Variants in DNAH8 observed in about 807,000 individuals in gnomAD.
The protein encoded by DNAH8 is dynein axonemal heavy chain 8.
In DNAH8, 382 loss-of-function variants were observed where a neutral mutation model predicts 562.1. The observed-to-expected ratio is 0.68, with a 90% CI of 0.63 to 0.74. The LOEUF is 0.74. Among genes scored for constraint, DNAH8 ranks in the 30% least tolerant of loss-of-function variants. The pLI, the probability that DNAH8 is intolerant of heterozygous loss-of-function variation, is 0.00. For missense variants in DNAH8, 5,203 were observed against 5,620.4 expected, an observed-to-expected ratio of 0.93 and a Z score of 2.37; for synonymous variants, 1,881 against 1,919.4, an observed-to-expected ratio of 0.98 and a Z score of 0.52.
At chr6:38,741,673 G>A in intron 7 of DNAH8, 38 bp from the exon 8 acceptor site, 2 of 1,516,166 alleles carry the variant, frequency 1.3e-6, no homozygotes, top group Non-Finnish European at 1.8e-6. Context: ...AAAGAAGAAT[G>A]TAACATTTCT....
At chr6:38,898,440 A>G (rs1001216941) in intron 61 of DNAH8, 60 bp downstream of exon 61, 8 of 1,410,492 alleles carry the variant, frequency 5.7e-6, no homozygotes, top group African/African-American at 4.5e-5. Flanking sequence ...CGTATATTTC[A>G]TAGATAAATT....
At chr6:38,780,503 A>T (rs550632295) in intron 15 of DNAH8, among the ~76,000 whole-genome samples, 1 of 151,654 alleles carries the variant, frequency 6.6e-6, no homozygotes, top group East Asian at 1.9e-4. Flanking sequence ...AATGTTATGC[A>T]TCCAAAAAAA....
At chr6:38,826,072 G>T (rs1773292516) in intron 28 of DNAH8, 84 bp from the exon 29 acceptor site, 1 of 872,544 alleles carries the variant, frequency 1.1e-6, no homozygotes. Flanking sequence ...AGTGACTACT[G>T]AATTGGACAG....
chr6:38,971,660 CAGCAGGT>C lies in DNAH8; in HGVS notation c.12522_12525+3del, dbSNP rs748164550. The C allele has an allele frequency of 1.3e-6, 2 of 1,598,500 alleles. No individual in the cohort carries two copies. Among genetic ancestry groups the C allele is most frequent in the Non-Finnish European group, 1.7e-6 (2 of 1,172,812 alleles). ...TCGAAAGCTGATTCAGATGTCAATG[CAGCAGGT>C]ATGTGACAAGAGACTGCTCCTGCTG... On this transcript the variant is annotated splice_donor_variant and coding_sequence_variant, in exon 83 of 93. Coordinates refer to ENST00000327475, the MANE Select transcript of DNAH8 (RefSeq NM_001206927.2). LOFTEE classifies it high-confidence loss of function.
chr6:38,797,171 A>T (rs1042285911), intron 21 of DNAH8, among the ~76,000 whole-genome samples: 5 of 152,164 alleles, frequency 3.3e-5, no homozygotes, highest in African/African-American at 1.2e-4. Flanking sequence ...AGGCAGGTGG[A>T]TCACTTGAGC....
intron 82 of DNAH8, among the ~76,000 whole-genome samples, chr6:38,957,171 A>C (rs1762301330): frequency 6.6e-6 from 1 of 152,064 alleles, no homozygotes; most frequent in Non-Finnish European, 1.5e-5. Context: ...TATAAACCAA[A>C]TACTGTAAAA....
chr6:39,010,122 T>C (rs947008040), intron 89 of DNAH8, among the ~76,000 whole-genome samples: 1 of 136,248 alleles, frequency 7.3e-6, no homozygotes. Flanking sequence ...CAACAAGACC[T>C]TTGTTCTGGT....
intron 56 of DNAH8, among the ~76,000 whole-genome samples, chr6:38,884,615 A>G (rs961510610): frequency 2.0e-5 from 3 of 152,040 alleles, no homozygotes; most frequent in Non-Finnish European, 4.4e-5. Context: ...TTCTACAGCA[A>G]ATGCCTCCTC....
At chr6:38,945,659 G>A in intron 80 of DNAH8, 71 bp downstream of exon 80, 1 of 1,591,122 alleles carries the variant, frequency 6.3e-7, no homozygotes, top group Non-Finnish European at 8.6e-7. Flanking sequence ...CTTAAACTGG[G>A]GCTTCCTGGC....
Position 39,008,821 on chromosome 6 carries a change from A to T in DNAH8, c.13222A>T (p.Ser4408Cys), listed in dbSNP as rs1311691958. The T allele has an allele frequency of 6.2e-7, 1 of 1,602,658 alleles. No individual in the cohort carries two copies. Among genetic ancestry groups the T allele is most frequent in the African/African-American group, 1.3e-5 (1 of 74,668 alleles). ...GCTCACTCTTTTTACTAGGTATCAG[A>T]GTAACACTGCTTCTGCTGTTCTTGA... is the stretch of plus-strand genomic sequence containing the variant. ...LHPNADITYQSNTASAVLETI... is the reference protein window; with the variant it reads ...LHPNADITYQCNTASAVLETI... The change falls in exon 89 of 93, where the codon AGT becomes TGT. Residue 4408 changes from serine (S) to cysteine (C), a missense_variant. Around this residue, in one of 6 missense-constraint regions of DNAH8, gnomAD observed 1,399 missense variants for 1,518.4 expected, o/e 0.92. Coordinates refer to ENST00000327475, the MANE Select transcript of DNAH8 (RefSeq NM_001206927.2).
At chr6:39,009,479 T>G (rs1766035493) in intron 89 of DNAH8, among the ~76,000 whole-genome samples, 2 of 152,162 alleles carry the variant, frequency 1.3e-5, no homozygotes, top group African/African-American at 4.8e-5. Context: ...GTGGAGATAT[T>G]ATGAATATAA....
intron 33 of DNAH8, 87 bp from the exon 34 acceptor site, chr6:38,842,281 A>G: frequency 9.2e-7 from 1 of 1,084,844 alleles, no homozygotes; most frequent in Non-Finnish European, 1.3e-6. Flanking sequence ...TGTATGAAAT[A>G]TTTGATTGGA....
chr6:38,811,761 T>C (rs1427778006), intron 24 of DNAH8, among the ~76,000 whole-genome samples: 2 of 152,206 alleles, frequency 1.3e-5, no homozygotes, highest in African/African-American at 2.4e-5. Flanking sequence ...GTGCAGGCTC[T>C]CTTTGAGCGA....
At chr6:38,894,390 T>C (rs954003755) in intron 58 of DNAH8, among the ~76,000 whole-genome samples, 4 of 152,226 alleles carry the variant, frequency 2.6e-5, no homozygotes, top group African/African-American at 9.6e-5. Flanking sequence ...ACAGTTCATA[T>C]AGTCCTTAAG....
At chr6:38,999,704 G>C (rs1006633503) in intron 88 of DNAH8, among the ~76,000 whole-genome samples, 1 of 151,688 alleles carries the variant, frequency 6.6e-6, no homozygotes, top group Admixed American at 6.6e-5. Flanking sequence ...CTGAGAGGGG[G>C]AATCCTGTGA....
intron 18 of DNAH8, among the ~76,000 whole-genome samples, chr6:38,787,378 A>T (rs529531628): frequency 6.6e-6 from 1 of 152,278 alleles, no homozygotes; most frequent in South Asian, 2.1e-4. Context: ...ATTAAAGTTC[A>T]CTAGTGCGGC....
At chr6:38,868,901 G>A (rs1355273702) in intron 48 of DNAH8, among the ~76,000 whole-genome samples, 3 of 151,694 alleles carry the variant, frequency 2.0e-5, no homozygotes, top group Admixed American at 1.3e-4. Context: ...CAAACTCCTG[G>A]ACTCAAGTGA....
chr6:38,862,440 C>T lies in DNAH8; in HGVS notation c.6292C>T (p.Leu2098=), dbSNP rs746585378. The T allele has an allele frequency of 5.0e-6, 8 of 1,607,460 alleles. No homozygotes were observed. The African/African-American group carries it at 5.4e-5, about 11-fold the overall frequency. The change falls in exon 44 of 93, where the codon CTA becomes TTA. Residue 2098 remains leucine (L), a synonymous_variant. Transcript: ENST00000327475. ...NCSDQMDFRG[L]GRIFKGLAQS... ...CTCAGATCAAATGGATTTCAGAGGCCTAGGAAGGATTTTCAAAGGCAAGTG... is the reference window on the plus strand; with the variant it reads ...CTCAGATCAAATGGATTTCAGAGGCTTAGGAAGGATTTTCAAAGGCAAGTG...
In DNAH8 at chr6:39,000,412, C is replaced by T. The variant is rs115241448; in HGVS notation, c.13215-8402C>T. 9.1e-3 allele frequency among the ~76,000 whole-genome samples: 1,385 copies of T among 152,268 alleles called. 26 individuals are homozygous for T. Among genetic ancestry groups the T allele is most frequent in the African/African-American group, 0.032 (1,325 of 41,534 alleles). ...CCTGGGCCACAAGCCAATACCAGTC[C>T]GTGGCCTGTTAAAACTGGGCCACAC... On this transcript the variant is annotated intron_variant, in intron 88 of 92. Transcript: ENST00000327475.
Sources: allele counts gnomAD v4.1 joint callset (sites outside exome capture counted in the v4.1 genomes callset), GRCh38; gene constraint gnomAD v4.1.1; regional missense constraint gnomAD v4.1.1; transcripts MANE v1.5; gene names NCBI Gene and HGNC (gene_info 2026-07-23, HGNC 2026-07-21).